SDK1: variants seen among roughly 807,000 people sequenced by gnomAD.
SDK1 encodes sidekick cell adhesion molecule 1.
Under a neutral mutation model 245.5 loss-of-function variants are expected in SDK1, and 157 were observed. The observed-to-expected ratio is 0.64, with a 90% CI of 0.56 to 0.73. SDK1 has a LOEUF of 0.73. SDK1 is among the 30% of genes least tolerant of loss of function. The probability of loss-of-function intolerance (pLI) is 0.00; values close to 1 mark genes in which losing one functional copy is unlikely to be tolerated. For missense variants in SDK1, 3,583 were observed against 3,002.3 expected (o/e 1.19, Z -4.52); for synonymous variants, 1,647 against 1,278.5 (o/e 1.29, Z -6.15).
At chr7:4,206,984 G>A (rs765627044) in intron 36 of SDK1, among the ~76,000 whole-genome samples, 1 of 152,204 alleles carries the variant, frequency 6.6e-6, no homozygotes, top group Admixed American at 6.5e-5. Flanking sequence ...CGCTATTTAT[G>A]TATGTCCAAA....
intron 31 of SDK1, among the ~76,000 whole-genome samples, 177 bp from the exon 32 acceptor site, chr7:4,161,609 C>T (rs971181273): frequency 3.3e-5 from 5 of 152,102 alleles, no homozygotes; most frequent in Admixed American, 6.5e-5. Context: ...ATCCCGAGGA[C>T]AGGCTTTGAA....
intron 1 of SDK1, among the ~76,000 whole-genome samples, chr7:3,432,122 A>ATATAT (rs72295300): frequency 1.4e-5 from 1 of 72,832 alleles, no homozygotes; most frequent in East Asian, 6.1e-4. Flanking sequence ...TAAAAAAAAA[A>ATATAT]AAATATATAT....
intron 20 of SDK1, among the ~76,000 whole-genome samples, chr7:4,070,456 T>C (rs899954976): frequency 1.3e-5 from 2 of 152,188 alleles, no homozygotes; most frequent in African/African-American, 4.8e-5. Context: ...GCATTGAGTG[T>C]CCTGTGCATC....
chr7:3,819,659 A>T (rs1779594847), intron 4 of SDK1, among the ~76,000 whole-genome samples: 2 of 152,154 alleles, frequency 1.3e-5, no homozygotes, highest in African/African-American at 4.8e-5. Flanking sequence ...ATAAAACTCT[A>T]TTGAAATATT....
intron 1 of SDK1, among the ~76,000 whole-genome samples, chr7:3,442,860 A>G (rs981386752): frequency 1.4e-4 from 21 of 152,132 alleles, no homozygotes; most frequent in African/African-American, 5.1e-4. Flanking sequence ...TGTTCTACTC[A>G]CTGTGTTCTG....
At chr7:3,631,193 C>G (rs907714326) in intron 2 of SDK1, among the ~76,000 whole-genome samples, 2 of 152,184 alleles carry the variant, frequency 1.3e-5, no homozygotes, top group Non-Finnish European at 2.9e-5. Context: ...CTTGGCCTCC[C>G]AAAGTGCTGG....
intron 1 of SDK1, among the ~76,000 whole-genome samples, chr7:3,497,809 G>C (rs1388465601): frequency 6.6e-6 from 1 of 152,090 alleles, no homozygotes; most frequent in African/African-American, 2.4e-5. Context: ...ACAATAATTT[G>C]ACAGACAAAC....
At chr7:3,883,370 G>A (rs561953257) in intron 5 of SDK1, among the ~76,000 whole-genome samples, 1 of 152,312 alleles carries the variant, frequency 6.6e-6, no homozygotes, top group East Asian at 1.9e-4. Flanking sequence ...AGCGAGGAAC[G>A]TGCCTGAACG....
At position 4,265,686 on chromosome 7, in the gene SDK1, C is replaced by A; in HGVS notation, c.*302C>A. ...GGGGCCTGGGAGGACCTCAGACCTC[C>A]CCAGCCCTGGGTTTCTCCGTCTTCA... On this transcript the variant is annotated 3_prime_UTR_variant, in exon 45 of 45. Transcript: ENST00000404826. 8.6e-7 allele frequency: 1 copy of A among 1,162,490 alleles called. No individual in the cohort carries two copies. Among genetic ancestry groups the A allele is most frequent in the Admixed American group, 4.7e-5 (1 of 21,202 alleles). 72.0% of individuals were successfully genotyped at this position (1,162,490 alleles called of 1,614,324 possible).
intron 1 of SDK1, among the ~76,000 whole-genome samples, chr7:3,397,182 A>C (rs897889160): frequency 2.0e-5 from 3 of 151,952 alleles, no homozygotes; most frequent in Admixed American, 2.0e-4. Context: ...CTATCAACAA[A>C]GTTTTATAAT....
intron 17 of SDK1, among the ~76,000 whole-genome samples, chr7:4,046,453 T>G (rs77038360): frequency 0.015 from 2,354 of 152,348 alleles, 28 homozygotes; most frequent in Non-Finnish European, 0.026. Flanking sequence ...CATTTATGCC[T>G]CTGATCCATT....
chr7:3,803,409 C>G (rs952300110), intron 4 of SDK1, among the ~76,000 whole-genome samples: 9 of 151,096 alleles, frequency 6.0e-5, no homozygotes, highest in African/African-American at 2.2e-4. Flanking sequence ...CTCTGAAATT[C>G]AAGCAATTCT....
chr7:3,681,000 G>C (rs1452434499), intron 4 of SDK1, among the ~76,000 whole-genome samples: 2 of 152,038 alleles, frequency 1.3e-5, no homozygotes, highest in Non-Finnish European at 2.9e-5. Flanking sequence ...ACCCCATCAG[G>C]TCCAGCTAAT....
chr7:3,686,638 G>A (rs1302147988), intron 4 of SDK1, among the ~76,000 whole-genome samples: 1 of 151,828 alleles, frequency 6.6e-6, no homozygotes, highest in Non-Finnish European at 1.5e-5. Context: ...AAGATTGGTT[G>A]GGTGACAGGA....
chr7:4,140,319 C>T (rs572939012), intron 28 of SDK1, among the ~76,000 whole-genome samples: 1 of 152,182 alleles, frequency 6.6e-6, no homozygotes, highest in African/African-American at 2.4e-5. Flanking sequence ...CCCGAGGACT[C>T]TCTTTCTTTG....
At chr7:3,535,365 AT>A (rs1319069331) in intron 1 of SDK1, among the ~76,000 whole-genome samples, 10 of 152,312 alleles carry the variant, frequency 6.6e-5, no homozygotes, top group Non-Finnish European at 1.2e-4. Flanking sequence ...TACTATTCTA[AT>A]TACATGCATT....
intron 1 of SDK1, among the ~76,000 whole-genome samples, chr7:3,530,022 A>AGTCT (rs1308319348): frequency 2.8e-4 from 42 of 152,332 alleles, no homozygotes; most frequent in African/African-American, 8.4e-4. Flanking sequence ...AGTATTCCTT[A>AGTCT]GAATAGAGTT....
intron 1 of SDK1, among the ~76,000 whole-genome samples, chr7:3,334,272 C>T (rs944584755): frequency 1.3e-5 from 2 of 152,172 alleles, no homozygotes; most frequent in African/African-American, 4.8e-5. Flanking sequence ...AGTCCTTTCA[C>T]CTTTCCTTGA....
At chr7:4,084,768 T>A (rs781142491) in intron 22 of SDK1, among the ~76,000 whole-genome samples, 6 of 151,706 alleles carry the variant, frequency 4.0e-5, no homozygotes, top group Non-Finnish European at 5.9e-5. Flanking sequence ...TATTTTATTT[T>A]ATTTATTTAT....
Sources: allele counts gnomAD v4.1 joint callset (sites outside exome capture counted in the v4.1 genomes callset), GRCh38; gene constraint gnomAD v4.1.1; transcripts MANE v1.5; gene names NCBI Gene and HGNC (gene_info 2026-07-23, HGNC 2026-07-21).